The following ZKSCAN7 variants were observed in gnomAD, a reference collection of about 807,000 sequenced individuals.
ZKSCAN7 encodes the protein zinc finger protein with KRAB and SCAN domains 7.
Under a neutral mutation model 65.3 loss-of-function variants are expected in ZKSCAN7, and 38 were observed. The ratio of observed to expected loss-of-function variants is 0.58; its 90% CI spans 0.45 to 0.76. The LOEUF (loss-of-function observed/expected upper bound fraction) is 0.76, where lower values mean the gene tolerates loss of function less well. ZKSCAN7 is among the 30% of genes least tolerant of loss of function. ZKSCAN7 has a pLI of 0.00. For missense variants in ZKSCAN7, 815 were observed against 913.3 expected, an observed-to-expected ratio of 0.89 and a Z score of 1.39; for synonymous variants, 321 against 321.0, an observed-to-expected ratio of 1.00 and a Z score of 0.00.
Position 44,570,014 on chromosome 3 carries a change from T to C in ZKSCAN7, c.904T>C (p.Phe302Leu). Residue 302 changes from phenylalanine (F) to leucine (L), a missense_variant, in exon 6 of 6, where the codon TTT becomes CTT. Transcript: ENST00000426540. ...ESSNRTSGGL[F>L]GVVPGAAETG... ...ATCTAACAGGACATCAGGGGGACTC[T>C]TTGGGGTGGTTCCTGGGGCAGCAGA... 2 of 1,613,360 alleles carry C rather than the reference T, an allele frequency of 1.2e-6. No individual in the cohort carries two copies. Among genetic ancestry groups the C allele is most frequent in the Non-Finnish European group, 1.7e-6 (2 of 1,179,786 alleles).
chr3:44,580,912 G>C lies in ZKSCAN7; in HGVS notation c.812-2060G>C. ...CCATAAATGGGTTTTGCCTGCGTCA[G>C]GTCCTCGTCGTTGAGGAGATGCGAC... On this transcript the variant is annotated intron_variant, in intron 5 of 5. Transcript: ENST00000341840. The C allele has an allele frequency of 6.8e-6, 11 of 1,613,334 alleles. No homozygotes were observed. In the South Asian group the frequency reaches 1.1e-4, roughly 16 times the overall value.
At chr3:44,568,885 C>A (rs1699713341) in intron 5 of ZKSCAN7, among the ~76,000 whole-genome samples, 1 of 152,098 alleles carries the variant, frequency 6.6e-6, no homozygotes, top group Non-Finnish European at 1.5e-5. Context: ...CTCTGCTTGT[C>A]CTCCTCCTCT....
intron 2 of ZKSCAN7, among the ~76,000 whole-genome samples, chr3:44,563,665 C>T (rs1454590339): frequency 2.1e-5 from 3 of 145,992 alleles, no homozygotes; most frequent in Admixed American, 6.8e-5. Context: ...CCCCACCCCC[C>T]GTGATCCAGT....
rs1422334002 is a variant in ZKSCAN7, at chr3:44,570,076, A to T, written c.966A>T (p.Leu322Phe). 6.2e-7 allele frequency: 1 copy of T among 1,614,056 alleles called. No homozygotes were observed. The highest frequency in any genetic ancestry group is 1.7e-5 in the Admixed American group (1 of 60,008). Residue 322 changes from leucine (L) to phenylalanine (F), a missense_variant, in exon 6 of 6, where the codon TTA (leucine) becomes TTT (phenylalanine). Physicochemically the swap from Leu to Phe is conservative, Grantham distance 22. Around this residue, in one of 3 missense-constraint regions of ZKSCAN7, gnomAD observed 578 missense variants for 629.5 expected, o/e 0.92. Coordinates refer to ENST00000426540, the MANE Select transcript of ZKSCAN7 (RefSeq NM_001288590.2). ...GDVCEDTFKE[L>F]EGQTSDEEGS... ...TTTGTGAAGATACTTTCAAGGAGTT[A>T]GAAGGACAAACCTCAGATGAAGAAG...
In ZKSCAN7 at chr3:44,557,341, G is replaced by A. The variant is rs1248692290; in HGVS notation, c.294G>A (p.Val98=). The change falls in exon 2 of 6, where the codon GTG becomes GTA. Residue 98 remains valine, a synonymous_variant. Coordinates refer to ENST00000426540, the MANE Select transcript of ZKSCAN7 (RefSeq NM_001288590.2). The part of the protein sequence containing the change: ...HTKEQILELL[V]LEQFLSILPG... ...AGGAGCAGATCCTGGAGCTGCTGGT[G>A]CTTGAGCAGTTCCTGAGCATCCTCC... 11 of 1,614,156 alleles carry A rather than the reference G, an allele frequency of 6.8e-6. No individual in the cohort carries two copies. The highest frequency in any genetic ancestry group is 8.5e-6 in the Non-Finnish European group (10 of 1,180,060).
At position 44,580,244 on chromosome 3, in the gene ZKSCAN7, C is replaced by G. The variant is rs535698593; in HGVS notation, c.812-2728C>G. 1.3e-4 allele frequency: 210 copies of G among 1,613,358 alleles called. 4 individuals are homozygous for G. The South Asian group carries it at 2.0e-3, about 16-fold the overall frequency. On this transcript the variant is annotated intron_variant, in intron 5 of 5. Coordinates refer to the ZKSCAN7 transcript ENST00000341840. Reference sequence around the variant, plus strand: ...TCTTCTCCAGAGAGAAGTAGCTGCTCTCCCCCCGGACTTTGCGGCCACAGT... The same window carrying G: ...TCTTCTCCAGAGAGAAGTAGCTGCTGTCCCCCCGGACTTTGCGGCCACAGT...
At chr3:44,566,879 G>C (rs1417805061) in intron 3 of ZKSCAN7, among the ~76,000 whole-genome samples, 1 of 151,960 alleles carries the variant, frequency 6.6e-6, no homozygotes, top group Non-Finnish European at 1.5e-5. Flanking sequence ...AGCACTTTGG[G>C]AGGCTAAGGC....
downstream of ZKSCAN7, among the ~76,000 whole-genome samples, chr3:44,574,702 G>A (rs1276304201): frequency 6.6e-6 from 1 of 152,208 alleles, no homozygotes; most frequent in African/African-American, 2.4e-5. Context: ...GGCTGAGGCA[G>A]GTGGATCACT....
At chr3:44,579,043 T>G (rs556240825) in intron 5 of ZKSCAN7, among the ~76,000 whole-genome samples, 1 of 152,320 alleles carries the variant, frequency 6.6e-6, no homozygotes, top group Non-Finnish European at 1.5e-5. Flanking sequence ...CACCCCCATC[T>G]TCAGAAGACA....
intron 5 of ZKSCAN7, among the ~76,000 whole-genome samples, chr3:44,579,060 C>T (rs1014317001): frequency 5.9e-5 from 9 of 152,164 alleles, no homozygotes; most frequent in Non-Finnish European, 8.8e-5. Flanking sequence ...GACAGGTGGA[C>T]GGGGACGATG....
chr3:44,571,486 C>T lies in ZKSCAN7; in HGVS notation c.*111C>T. On this transcript the variant is annotated 3_prime_UTR_variant, in exon 6 of 6. Coordinates refer to ENST00000426540, the MANE Select transcript of ZKSCAN7 (RefSeq NM_001288590.2). ...AGTAGTCACGGTGGACCATTCCCTACTTGCTTTTCCTTGGATCACTAAGGT... is the reference window on the plus strand; with the variant it reads ...AGTAGTCACGGTGGACCATTCCCTATTTGCTTTTCCTTGGATCACTAAGGT... 1 of 1,588,336 alleles carries T rather than the reference C, an allele frequency of 6.3e-7. No individual in the cohort carries two copies. The highest frequency in any genetic ancestry group is 8.5e-7 in the Non-Finnish European group (1 of 1,172,620).
At chr3:44,581,751 C>T (rs938982949) in intron 5 of ZKSCAN7, among the ~76,000 whole-genome samples, 3 of 152,166 alleles carry the variant, frequency 2.0e-5, no homozygotes, top group Non-Finnish European at 4.4e-5. Context: ...TATACTTACT[C>T]ACTTACCTCT....
chr3:44,581,659 A>G (rs1272048215), intron 5 of ZKSCAN7, among the ~76,000 whole-genome samples: 1 of 152,228 alleles, frequency 6.6e-6, no homozygotes, highest in Non-Finnish European at 1.5e-5. Context: ...CCAATTTAAT[A>G]TATATATGTT....
At chr3:44,563,248 G>A (rs1362168298) in intron 2 of ZKSCAN7, among the ~76,000 whole-genome samples, 2 of 152,152 alleles carry the variant, frequency 1.3e-5, no homozygotes, top group Non-Finnish European at 2.9e-5. Flanking sequence ...ACATCTTCCT[G>A]TCTTCTTTTC....
chr3:44,578,233 C>A (rs947113383), intron 5 of ZKSCAN7: 7 of 1,543,034 alleles, frequency 4.5e-6, no homozygotes, highest in Non-Finnish European at 6.3e-6. Flanking sequence ...TTGCGTACTT[C>A]TTGTCCCACA....
chr3:44,569,884 G>A (rs1275171403), intron 5 of ZKSCAN7, 38 bp from the exon 6 acceptor site: 7 of 1,504,264 alleles, frequency 4.7e-6, no homozygotes, highest in Non-Finnish European at 6.2e-6. Flanking sequence ...AACAGGATAA[G>A]AAATGGGTAA....
intron 5 of ZKSCAN7, among the ~76,000 whole-genome samples, chr3:44,569,683 C>T (rs190043624): frequency 1.3e-5 from 2 of 152,216 alleles, no homozygotes; most frequent in East Asian, 1.9e-4. Flanking sequence ...CTTGGTTGTG[C>T]TGGCTTAGTA....
intron 5 of ZKSCAN7, among the ~76,000 whole-genome samples, chr3:44,581,242 C>T (rs140503691): frequency 0.11 from 16,920 of 147,926 alleles, 1,001 homozygotes; most frequent in Middle Eastern, 0.19. Context: ...GCACCGCCGC[C>T]GCCCAGCCGC....
downstream of ZKSCAN7, among the ~76,000 whole-genome samples, chr3:44,575,275 A>G (rs1699900361): frequency 1.3e-5 from 2 of 152,232 alleles, no homozygotes; most frequent in Non-Finnish European, 2.9e-5. Context: ...TAGCCTAGGC[A>G]ATGAGTGAGA....
Sources: gnomAD v4.1 joint callset for allele counts (sites outside exome capture counted in the v4.1 genomes callset) on GRCh38, gnomAD v4.1.1 for gene constraint, gnomAD v4.1.1 regional missense constraint, MANE v1.5 for transcripts, NCBI Gene and HGNC (gene_info 2026-07-23, HGNC 2026-07-21) for gene names.